Variants in DOCK11 observed in about 807,000 individuals in gnomAD.
The protein encoded by DOCK11 is dedicator of cytokinesis protein 11.
In DOCK11, 70 loss-of-function variants were observed where a neutral mutation model predicts 169.1. That is an observed-to-expected ratio of 0.41 (90% CI 0.34 to 0.51). DOCK11 has a LOEUF of 0.51. Among genes scored for constraint, DOCK11 ranks in the 20% least tolerant of loss-of-function variants. DOCK11 has a pLI of 0.10. For synonymous variants in DOCK11, 529 were observed against 541.3 expected, an observed-to-expected ratio of 0.98 and a Z score of 0.32; for missense variants, 1,166 against 1,538.8, an observed-to-expected ratio of 0.76 and a Z score of 4.05.
At chrX:118,532,742 C>T (rs375849827) in intron 1 of DOCK11, among the ~76,000 whole-genome samples, 6 of 100,320 alleles carry the variant, frequency 6.0e-5, no homozygotes, top group African/African-American at 2.2e-4. Flanking sequence ...GATCGCGCCA[C>T]TGCACCCCAG....
At position 118,619,196 on chromosome X, in the gene DOCK11, G is replaced by A. The variant is rs190977272; in HGVS notation, c.3471+468G>A. 1.4e-3 allele frequency among the ~76,000 whole-genome samples: 157 copies of A among 108,588 alleles called. 1 individual carries two copies. The highest frequency in any genetic ancestry group is 4.8e-3 in the African/African-American group (143 of 30,001). The allele number at this position is 108,588 out of a possible 115,157, so 94.3% of individuals were successfully genotyped here. A position where few individuals can be genotyped will look rare whatever the true frequency, so the allele number is the denominator to read the frequency against. On this transcript the variant is annotated intron_variant, in intron 31 of 52. Coordinates refer to ENST00000276202, the MANE Select transcript of DOCK11 (RefSeq NM_144658.4). The stretch of plus-strand genomic sequence containing the variant: ...GTTTTTAAAAATACCATTTGGGACC[G>A]GGAGCAGTGGCTCACACCTGTAATC...
At chrX:118,683,342 C>A in intron 52 of DOCK11, 125 bp downstream of exon 52, 1 of 755,528 alleles carries the variant, frequency 1.3e-6, no homozygotes, top group Non-Finnish European at 1.8e-6. Context: ...AAACTTTTTT[C>A]ATATTATCTT....
chrX:118,553,510 G>A (rs929683593), intron 6 of DOCK11, among the ~76,000 whole-genome samples: 2 of 111,416 alleles, frequency 1.8e-5, no homozygotes, highest in Non-Finnish European at 3.8e-5. Flanking sequence ...ATATGATATC[G>A]GGGTTGCAAG....
intron 52 of DOCK11, 106 bp downstream of exon 52, chrX:118,683,323 C>A: frequency 2.3e-6 from 2 of 879,412 alleles, no homozygotes; most frequent in Non-Finnish European, 3.1e-6. Context: ...GTTATTAAGT[C>A]TATATTTTAA....
At chrX:118,556,973 G>A (rs183666941) in intron 6 of DOCK11, among the ~76,000 whole-genome samples, 214 of 111,544 alleles carry the variant, frequency 1.9e-3, no homozygotes, top group African/African-American at 6.7e-3. Flanking sequence ...TAATAAAGAC[G>A]AGGAGGAGGA....
intron 45 of DOCK11, among the ~76,000 whole-genome samples, chrX:118,663,987 G>T (rs779249703): frequency 9.0e-6 from 1 of 110,997 alleles, no homozygotes; most frequent in South Asian, 3.8e-4. Flanking sequence ...AGATTTTTGA[G>T]CAGGATGATG....
Position 118,636,374 on chromosome X carries a change from A to G in DOCK11, c.3915A>G (p.Val1305=), listed in dbSNP as rs1319678048. ...CTCTCTTAACTTACTGGAATAAAGT[A>G]TCACCTCAGGAGCTCATAAACATTC... The part of the protein sequence containing the change: ...EDTLLTYWNK[V]SPQELINILI... Residue 1305 remains valine (V), a synonymous_variant, in exon 36 of 53, where the codon GTA becomes GTG. Coordinates refer to ENST00000276202, the MANE Select transcript of DOCK11 (RefSeq NM_144658.4). 2 of 1,077,886 alleles carry G rather than the reference A, an allele frequency of 1.9e-6. No individual in the cohort carries two copies. The highest frequency in any genetic ancestry group is 3.2e-5 in the East Asian group (1 of 31,641). 88.8% of individuals were successfully genotyped at this position (1,077,886 alleles called of 1,213,427 possible).
chrX:118,609,924 A>G (rs1055294241), intron 27 of DOCK11, among the ~76,000 whole-genome samples: 1 of 112,493 alleles, frequency 8.9e-6, no homozygotes, highest in African/African-American at 3.2e-5. Flanking sequence ...TTTTCACAGA[A>G]TATGTTTACT....
At chrX:118,604,521 CTTTTTTTTTTTTTTT>C (rs74504860) in intron 23 of DOCK11, among the ~76,000 whole-genome samples, 7 of 38,183 alleles carry the variant, frequency 1.8e-4, no homozygotes, top group East Asian at 1.0e-3. Context: ...GGTTTGTTTC[CTTTTTTTTTTTTTTT>C]TTTTTTTTTT....
intron 7 of DOCK11, among the ~76,000 whole-genome samples, chrX:118,565,778 A>T (rs1439478828): frequency 1.8e-5 from 2 of 111,833 alleles, no homozygotes; most frequent in African/African-American, 6.5e-5. Flanking sequence ...AACTTTATAC[A>T]TATTCATACT....
intron 31 of DOCK11, among the ~76,000 whole-genome samples, chrX:118,623,595 A>G (rs1360495031): frequency 8.9e-6 from 1 of 112,641 alleles, no homozygotes; most frequent in African/African-American, 3.2e-5. Flanking sequence ...ACGGGGTACT[A>G]TGTTGGAAGA....
At chrX:118,565,497 T>C (rs1344864516) in intron 7 of DOCK11, among the ~76,000 whole-genome samples, 1 of 112,203 alleles carries the variant, frequency 8.9e-6, no homozygotes, top group African/African-American at 3.2e-5. Context: ...TTTTATACTA[T>C]TGTGATACAG....
chrX:118,656,524 A>G (rs1260173797), intron 44 of DOCK11, among the ~76,000 whole-genome samples: 1 of 111,760 alleles, frequency 8.9e-6, no homozygotes. Context: ...AATCACTGGT[A>G]TGCATATGAA....
chrX:118,521,479 A>C (rs1302018987), intron 1 of DOCK11, among the ~76,000 whole-genome samples: 2 of 112,600 alleles, frequency 1.8e-5, no homozygotes, highest in African/African-American at 6.5e-5. Context: ...AAGCAACCAC[A>C]GTGTTTGAAT....
At chrX:118,644,264 G>A (rs2015602755) in intron 40 of DOCK11, among the ~76,000 whole-genome samples, 1 of 112,252 alleles carries the variant, frequency 8.9e-6, no homozygotes, top group African/African-American at 3.2e-5. Flanking sequence ...ACTGGTTTAT[G>A]TAACTACAAT....
At chrX:118,627,674 A>G in intron 33 of DOCK11, 95 bp downstream of exon 33, 1 of 622,477 alleles carries the variant, frequency 1.6e-6, no homozygotes, top group East Asian at 3.4e-5. Flanking sequence ...AATAAAGACC[A>G]TACATAGCTT....
intron 6 of DOCK11, among the ~76,000 whole-genome samples, chrX:118,553,563 A>AT (rs1345642256): frequency 9.0e-6 from 1 of 111,053 alleles, no homozygotes; most frequent in African/African-American, 3.3e-5. Flanking sequence ...GCCCTTTAAA[A>AT]TTTTTTTGGC....
intron 6 of DOCK11, among the ~76,000 whole-genome samples, chrX:118,553,111 T>C (rs1443611182): frequency 9.0e-6 from 1 of 111,591 alleles, no homozygotes; most frequent in Non-Finnish European, 1.9e-5. Flanking sequence ...AGTTTTAAGA[T>C]GTCATAGAGA....
chrX:118,532,990 TTTG>T (rs914406796), intron 1 of DOCK11, among the ~76,000 whole-genome samples: 3 of 110,885 alleles, frequency 2.7e-5, no homozygotes, highest in African/African-American at 9.9e-5. Flanking sequence ...TGTTTGTTTG[TTTG>T]TTGTTATTAA....
Sources: allele counts gnomAD v4.1 joint callset (sites outside exome capture counted in the v4.1 genomes callset), GRCh38; gene constraint gnomAD v4.1.1; transcripts MANE v1.5; gene names NCBI Gene and HGNC (gene_info 2026-07-23, HGNC 2026-07-21).